Variants in C2CD2 observed in about 807,000 individuals in gnomAD.
C2CD2 encodes the protein C2 domain-containing protein 2.
A neutral mutation model predicts 74.3 loss-of-function variants in C2CD2; 43 were observed. The ratio of observed to expected loss-of-function variants is 0.58; its 90% CI spans 0.45 to 0.75. C2CD2 has a LOEUF of 0.75. Among genes scored for constraint, C2CD2 ranks in the 30% least tolerant of loss-of-function variants. The probability of loss-of-function intolerance (pLI) is 0.00; values close to 1 mark genes in which losing one functional copy is unlikely to be tolerated. For missense variants in C2CD2, 801 were observed against 916.3 expected, an observed-to-expected ratio of 0.87 and a Z score of 1.63; for synonymous variants, 422 against 390.7, an observed-to-expected ratio of 1.08 and a Z score of -0.94.
chr21:41,909,643 C>T, intron 7 of C2CD2, 120 bp from the exon 8 acceptor site: 2 of 760,558 alleles, frequency 2.6e-6, no homozygotes, highest in Non-Finnish European at 4.7e-6. Flanking sequence ...TAACAAACTA[C>T]CAAGACATAT....
In C2CD2 at chr21:41,922,087, T is replaced by A; in HGVS notation, c.379-2A>T. On this transcript the variant is annotated splice_acceptor_variant, in intron 2 of 13. Coordinates refer to ENST00000380486, the MANE Select transcript of C2CD2 (RefSeq NM_015500.2). LOFTEE classifies it high-confidence loss of function. ...GCCCACCACGTGACAGACCACCACC[T>A]GGAGGAGGCACAGGTAAGGGAGAAA... The A allele has an allele frequency of 1.3e-6, 2 of 1,587,818 alleles. No homozygotes were observed. Among genetic ancestry groups the A allele is most frequent in the Non-Finnish European group, 1.7e-6 (2 of 1,156,382 alleles).
rs778013814 is a variant in C2CD2 at position 41,947,137 on chromosome 21, T to TCTCTCTCTCTCTCTCTCTCTCTCTCCCC, written c.280-4893_280-4892insGGGGAGAGAGAGAGAGAGAGAGAGAGAG. Among the ~76,000 whole-genome samples, 10 of 25,694 alleles carry TCTCTCTCTCTCTCTCTCTCTCTCTCCCC rather than the reference T, an allele frequency of 3.9e-4. 1 individual carries two copies. The highest frequency in any genetic ancestry group is 6.2e-4 in the Non-Finnish European group (7 of 11,252). 16.9% of individuals were successfully genotyped at this position (25,694 alleles called of 152,430 possible). On this transcript the variant is annotated intron_variant, in intron 1 of 13. Coordinates refer to ENST00000380486, the MANE Select transcript of C2CD2 (RefSeq NM_015500.2). ...TTCTCTCTCTCTCTCTCTCTCTCTC[T>TCTCTCTCTCTCTCTCTCTCTCTCTCCCC]CTCCCTCCCTCCCTCCCTCCCTCTC...
intron 2 of C2CD2, among the ~76,000 whole-genome samples, chr21:41,933,271 T>C (rs1312902508): frequency 7.1e-6 from 1 of 140,178 alleles, no homozygotes; most frequent in East Asian, 2.0e-4. Flanking sequence ...TTTTTTTTTT[T>C]CCTTCTCAAG....
intron 1 of C2CD2, chr21:41,942,990 G>A (rs897687721): frequency 3.1e-6 from 3 of 979,456 alleles, no homozygotes; most frequent in Non-Finnish European, 3.6e-6. Flanking sequence ...TGTCTGTTCT[G>A]GTTCTTCCAG....
rs1024140349 is a variant in C2CD2 at position 41,892,945 on chromosome 21, T to C, written c.1871-3601A>G. On this transcript the variant is annotated intron_variant, in intron 13 of 13. Transcript: ENST00000380486. The surrounding 1 kb of genome is among the most constrained non-coding windows in gnomAD (Gnocchi z 4.6). The stretch of plus-strand genomic sequence containing the variant: ...CCGGTGCCACGCCAGAGACGCGCGG[T>C]GCGCCCAGGTTAAGAGGGAAATGGG... Among the ~76,000 whole-genome samples, 2 of 152,174 alleles carry C rather than the reference T, an allele frequency of 1.3e-5. No individual in the cohort carries two copies. The highest frequency in any genetic ancestry group is 2.9e-5 in the Non-Finnish European group (2 of 68,040).
At chr21:41,912,656 A>G (rs1252478627) in intron 6 of C2CD2, among the ~76,000 whole-genome samples, 1 of 151,978 alleles carries the variant, frequency 6.6e-6, no homozygotes, top group Non-Finnish European at 1.5e-5. Flanking sequence ...ACGCTCAGCT[A>G]ATTTTTGTAT....
Position 41,892,206 on chromosome 21 carries a change from C to T in C2CD2, c.1871-2862G>A, listed in dbSNP as rs532306661. Among the ~76,000 whole-genome samples the T allele has an allele frequency of 6.6e-5, 10 of 152,236 alleles. No individual in the cohort carries two copies. Among genetic ancestry groups the T allele is most frequent in the African/African-American group, 1.7e-4 (7 of 41,544 alleles). On this transcript the variant is annotated intron_variant, in intron 13 of 13. Transcript: ENST00000380486. The surrounding 1 kb of genome is among the most constrained non-coding windows in gnomAD (Gnocchi z 4.6). Reference sequence around the variant, plus strand: ...GTGAAGGGTCACAGGAAGGATGCCACGTGAAGATGAAGGCAGAGCACAGGG... The same window carrying T: ...GTGAAGGGTCACAGGAAGGATGCCATGTGAAGATGAAGGCAGAGCACAGGG...
chr21:41,893,485 C>T (rs576325530), intron 13 of C2CD2, among the ~76,000 whole-genome samples: 1 of 152,228 alleles, frequency 6.6e-6, no homozygotes, highest in East Asian at 1.9e-4. Context: ...AAGAAAGATT[C>T]GCACGGCATG....
intron 2 of C2CD2, among the ~76,000 whole-genome samples, chr21:41,938,777 T>C (rs1329653050): frequency 6.6e-6 from 1 of 151,480 alleles, no homozygotes; most frequent in Non-Finnish European, 1.5e-5. Flanking sequence ...AGTCTCACTT[T>C]GTCACCCAAG....
intron 2 of C2CD2, among the ~76,000 whole-genome samples, chr21:41,934,306 C>T (rs916952896): frequency 7.9e-5 from 12 of 152,014 alleles, no homozygotes; most frequent in Admixed American, 6.6e-4. Context: ...GCTGCATGTC[C>T]GTAGTCCCAG....
chr21:41,928,515 C>T (rs572909184), intron 2 of C2CD2, among the ~76,000 whole-genome samples: 2 of 123,820 alleles, frequency 1.6e-5, no homozygotes, highest in South Asian at 5.4e-4. Context: ...TAATGGAATA[C>T]CTGGAATTTC....
intron 7 of C2CD2, among the ~76,000 whole-genome samples, chr21:41,911,939 C>T (rs573140783): frequency 2.6e-5 from 4 of 152,268 alleles, no homozygotes; most frequent in South Asian, 2.1e-4. Context: ...TGGGCTCAAG[C>T]GATTCTCCCG....
Position 41,924,494 on chromosome 21 carries a change from C to T in C2CD2, c.379-2409G>A, listed in dbSNP as rs2065188240. The stretch of plus-strand genomic sequence containing the variant: ...AGTTAATTACATATTTCCATCATCT[C>T]CAGAGTTCACAAAGGGCCAGAACAA... On this transcript the variant is annotated intron_variant, in intron 2 of 13. Coordinates refer to ENST00000380486, the MANE Select transcript of C2CD2 (RefSeq NM_015500.2). This position sits in a 1 kb window ranked among gnomAD's most constrained non-coding sequence, Gnocchi z 4.4. 6.6e-6 allele frequency among the ~76,000 whole-genome samples: 1 copy of T among 152,172 alleles called. No homozygotes were observed. The highest frequency in any genetic ancestry group is 6.5e-5 in the Admixed American group (1 of 15,272).
Position 41,926,464 on chromosome 21 carries a change from G to T in C2CD2, c.379-4379C>A. On this transcript the variant is annotated intron_variant, in intron 2 of 13. Coordinates refer to ENST00000380486, the MANE Select transcript of C2CD2 (RefSeq NM_015500.2). The surrounding 1 kb of genome is among the most constrained non-coding windows in gnomAD (Gnocchi z 8.0). ...GCAGCAGATGGAAGCACCACGGGGA[G>T]GGGAAAACAAGACTGAAGGCTGAAG... 1 of 928,116 alleles carries T rather than the reference G, an allele frequency of 1.1e-6. No homozygotes were observed. Among genetic ancestry groups the T allele is most frequent in the Non-Finnish European group, 1.3e-6 (1 of 777,654 alleles). 57.5% of individuals were successfully genotyped at this position (928,116 alleles called of 1,614,324 possible). A position where few individuals can be genotyped will look rare whatever the true frequency, so the allele number is the denominator to read the frequency against.
chr21:41,909,998 TAAAA>T (rs4009689), intron 7 of C2CD2, among the ~76,000 whole-genome samples: 5 of 143,652 alleles, frequency 3.5e-5, no homozygotes, highest in Non-Finnish European at 7.6e-5. Flanking sequence ...ACAAAGGCAT[TAAAA>T]AAAAAAAAAA....
intron 2 of C2CD2, among the ~76,000 whole-genome samples, chr21:41,931,786 C>A (rs1569077944): frequency 1.3e-5 from 2 of 149,950 alleles, no homozygotes; most frequent in South Asian, 4.3e-4. Flanking sequence ...AGGATGGGGG[C>A]TGGTCACTTG....
chr21:41,934,929 T>C (rs2065294247), intron 2 of C2CD2, among the ~76,000 whole-genome samples: 1 of 152,124 alleles, frequency 6.6e-6, no homozygotes, highest in African/African-American at 2.4e-5. Context: ...TCTGGCTTTG[T>C]CGCTCAGGCT....
rs1395118661 is a variant in C2CD2, at chr21:41,894,731, T to G, written c.1870+4322A>C. On this transcript the variant is annotated intron_variant, in intron 13 of 13. Coordinates refer to ENST00000380486, the MANE Select transcript of C2CD2 (RefSeq NM_015500.2). The stretch of plus-strand genomic sequence containing the variant: ...CGGACAGAGGCCATTCCATTCCCTT[T>G]CTCAATAGCAATGGGAAAGCCTGTT... The G allele has an allele frequency of 6.6e-6, 3 of 456,788 alleles. No individual in the cohort carries two copies. The Admixed American group carries it at 7.0e-5, about 11-fold the overall frequency. 28.3% of individuals were successfully genotyped at this position (456,788 alleles called of 1,614,324 possible).
intron 13 of C2CD2, among the ~76,000 whole-genome samples, chr21:41,896,707 C>CAA (rs71332341): frequency 0.055 from 4,018 of 73,234 alleles, 109 homozygotes; most frequent in African/African-American, 0.11. Context: ...GTTCTTAAAC[C>CAA]AAAAAAAAAA....
Sources: allele counts gnomAD v4.1 joint callset (sites outside exome capture counted in the v4.1 genomes callset), GRCh38; gene constraint gnomAD v4.1.1; non-coding constraint Gnocchi (gnomAD v3.1); transcripts MANE v1.5; gene names NCBI Gene and HGNC (gene_info 2026-07-23, HGNC 2026-07-21).